Variants in PROCR observed in about 807,000 individuals in gnomAD.
PROCR encodes protein C receptor.
A neutral mutation model predicts 24.2 loss-of-function variants in PROCR; 22 were observed. The observed-to-expected ratio is 0.91, with a 90% CI of 0.65 to 1.30. The LOEUF is 1.30. Ranked by LOEUF, PROCR falls within the 50% of genes most tolerant of loss-of-function variation. The probability of loss-of-function intolerance (pLI) is 0.00; values close to 1 mark genes in which losing one functional copy is unlikely to be tolerated. For synonymous variants in PROCR, 137 were observed against 139.2 expected (o/e 0.98, Z 0.11); for missense variants, 288 against 307.7 (o/e 0.94, Z 0.48).
chr20:35,178,517 T>TTTTTTTG (rs2086047685), downstream of PROCR, among the ~76,000 whole-genome samples: 1 of 49,328 alleles, frequency 2.0e-5, no homozygotes, highest in Non-Finnish European at 3.7e-5. Flanking sequence ...GTTTTTTTTT[T>TTTTTTTG]TTTTTTTTTT....
At chr20:35,181,422 G>A (rs899690791), downstream of PROCR, among the ~76,000 whole-genome samples, 8 of 151,824 alleles carry the variant, frequency 5.3e-5, no homozygotes, top group African/African-American at 1.9e-4. Flanking sequence ...TTGCAGGCAT[G>A]TGCCACCACG....
At chr20:35,196,427 T>A (rs1867589593) in intron 1 of PROCR, among the ~76,000 whole-genome samples, 1 of 151,800 alleles carries the variant, frequency 6.6e-6, no homozygotes, top group Admixed American at 6.6e-5. Context: ...CCCACCCTAA[T>A]CAAACTTCTG....
chr20:35,181,033 A>AT (rs1184201747), downstream of PROCR, among the ~76,000 whole-genome samples: 3 of 144,932 alleles, frequency 2.1e-5, no homozygotes, highest in African/African-American at 7.7e-5. Flanking sequence ...CGCCCGGCTA[A>AT]TTTTTTGTAT....
chr20:35,174,923 C>T lies in PROCR; in HGVS notation c.292C>T (p.Arg98Cys), dbSNP rs759840671. ...SYLLQFHGLV[R>C]LVHQERTLAF... ...CCTGCTCCAGTTCCACGGCCTCGTG[C>T]GCCTGGTGCACCAGGAGCGGACCTT... The change falls in exon 2 of 4, where the codon CGC becomes TGC. Residue 98 changes from arginine to cysteine, a missense_variant. Physicochemically the swap from Arg to Cys is radical, Grantham distance 180 (BLOSUM62 -3). Transcript: ENST00000216968. 16 of 1,585,830 alleles carry T rather than the reference C, an allele frequency of 1.0e-5. No individual in the cohort carries two copies. The highest frequency in any genetic ancestry group is 5.3e-5 in the Admixed American group (3 of 56,416).
At chr20:35,211,035 C>A (rs1185922886) in intron 1 of PROCR, among the ~76,000 whole-genome samples, 1 of 152,098 alleles carries the variant, frequency 6.6e-6, no homozygotes, top group African/African-American at 2.4e-5. Context: ...ACTAGCAGAA[C>A]TACAATTATG....
intron 1 of PROCR, among the ~76,000 whole-genome samples, chr20:35,213,330 C>G (rs79824662): frequency 1.5e-5 from 2 of 136,176 alleles, no homozygotes; most frequent in Non-Finnish European, 3.2e-5. Flanking sequence ...GAGACTGTCT[C>G]AAAAAAAAAA....
chr20:35,183,742 C>G (rs1292215140), intron 1 of PROCR, among the ~76,000 whole-genome samples: 2 of 151,950 alleles, frequency 1.3e-5, no homozygotes, highest in Non-Finnish European at 2.9e-5. Context: ...TATGACCATG[C>G]CCAGATAGGA....
At position 35,175,088 on chromosome 20, in the gene PROCR, G is replaced by T. The variant is rs1038076225; in HGVS notation, c.322+135G>T. ...CCGGCAGCCACTGGAGCTCGGTGGC[G>T]CCTGGGCCTTTGAAGATTGCTGGGT... On this transcript the variant is annotated intron_variant, in intron 2 of 3. Transcript: ENST00000216968. The T allele has an allele frequency of 7.4e-6, 8 of 1,075,904 alleles. No individual in the cohort carries two copies. The East Asian group carries it at 1.9e-4, about 26-fold the overall frequency. 66.6% of individuals were successfully genotyped at this position (1,075,904 alleles called of 1,614,324 possible).
At chr20:35,180,291 G>A (rs147739075), downstream of PROCR, among the ~76,000 whole-genome samples, 290 of 152,070 alleles carry the variant, frequency 1.9e-3, 3 homozygotes, top group East Asian at 0.039. Flanking sequence ...AAGACTTGCC[G>A]TTCAGCTATA....
chr20:35,178,705 C>T (rs1361436499), downstream of PROCR, among the ~76,000 whole-genome samples: 5 of 138,266 alleles, frequency 3.6e-5, no homozygotes, highest in African/African-American at 5.5e-5. Context: ...TTAGTAGAGA[C>T]GGGGTTTCAC....
downstream of PROCR, among the ~76,000 whole-genome samples, chr20:35,180,671 T>G (rs1005780034): frequency 2.6e-5 from 4 of 151,888 alleles, no homozygotes; most frequent in Non-Finnish European, 5.9e-5. Context: ...TAACCCAACT[T>G]GTGTGTGTGT....
chr20:35,197,387 T>G (rs1285401659), intron 1 of PROCR, among the ~76,000 whole-genome samples: 1 of 152,174 alleles, frequency 6.6e-6, no homozygotes, highest in Non-Finnish European at 1.5e-5. Context: ...AGTTGATAAA[T>G]GTAGTATGTG....
At chr20:35,205,227 C>T (rs905461732) in intron 1 of PROCR, among the ~76,000 whole-genome samples, 4 of 150,794 alleles carry the variant, frequency 2.7e-5, no homozygotes, top group Admixed American at 6.6e-5. Flanking sequence ...GAGCTGAGAT[C>T]GCACCACTGT....
downstream of PROCR, among the ~76,000 whole-genome samples, chr20:35,181,568 C>T (rs1007550883): frequency 5.3e-5 from 8 of 152,304 alleles, no homozygotes; most frequent in East Asian, 7.7e-4. Flanking sequence ...CCACTGTGCC[C>T]GGCCCCTCAA....
chr20:35,178,507 G>GT (rs1203789471), downstream of PROCR, among the ~76,000 whole-genome samples: 8,866 of 34,308 alleles, frequency 0.26, 3,445 homozygotes, highest in East Asian at 0.62. Context: ...TCAAGTCTCA[G>GT]TTTTTTTTTT....
intron 1 of PROCR, among the ~76,000 whole-genome samples, chr20:35,189,266 G>A (rs1050401171): frequency 3.7e-5 from 2 of 53,550 alleles, no homozygotes; most frequent in Admixed American, 1.5e-4. Flanking sequence ...AACGCATTCC[G>A]GGGGGGGGCC....
intron 1 of PROCR, among the ~76,000 whole-genome samples, chr20:35,204,679 A>T (rs114042211): frequency 6.6e-6 from 1 of 151,874 alleles, no homozygotes; most frequent in South Asian, 2.1e-4. Context: ...CTGGCCCCCA[A>T]ATGGTTTCAC....
intron 1 of PROCR, among the ~76,000 whole-genome samples, chr20:35,215,153 AC>A (rs1236411659): frequency 2.0e-5 from 3 of 151,674 alleles, no homozygotes; most frequent in African/African-American, 7.3e-5. Flanking sequence ...CAAGTGATCC[AC>A]CCGCCTCAGC....
downstream of PROCR, among the ~76,000 whole-genome samples, chr20:35,178,507 G>GTTTTGTTTTTTTGT (rs1272557859): frequency 5.8e-5 from 2 of 34,372 alleles, no homozygotes; most frequent in African/African-American, 3.7e-4. Flanking sequence ...TCAAGTCTCA[G>GTTTTGTTTTTTTGT]TTTTTTTTTT....
Sources: gnomAD v4.1 joint callset for allele counts (sites outside exome capture counted in the v4.1 genomes callset) on GRCh38, gnomAD v4.1.1 for gene constraint, MANE v1.5 for transcripts, NCBI Gene and HGNC (gene_info 2026-07-23, HGNC 2026-07-21) for gene names.